Variants in CFH observed in about 807,000 individuals in gnomAD.
CFH encodes the protein complement factor H, also known as H factor 1 (complement).
Under a neutral mutation model 147.3 loss-of-function variants are expected in CFH, and 53 were observed. That is an observed-to-expected ratio of 0.36 (90% CI 0.29 to 0.45). The LOEUF (loss-of-function observed/expected upper bound fraction) is 0.45, where lower values mean the gene tolerates loss of function less well. CFH is among the 20% of genes least tolerant of loss of function. The probability of loss-of-function intolerance (pLI) is 1.00; values close to 1 mark genes in which losing one functional copy is unlikely to be tolerated. For synonymous variants in CFH, 536 were observed against 489.4 expected, an observed-to-expected ratio of 1.10 and a Z score of -1.26; for missense variants, 1,380 against 1,498.0, an observed-to-expected ratio of 0.92 and a Z score of 1.30.
chr1:196,714,804 A>G (rs1434787171), intron 10 of CFH, among the ~76,000 whole-genome samples: 2 of 148,634 alleles, frequency 1.3e-5, no homozygotes, highest in African/African-American at 2.5e-5. Context: ...GTTTTCAAGC[A>G]ATTCTCCTAC....
rs796052137 is a variant in CFH, at chr1:196,672,999, GAAGA to G, written c.83_86del (p.Arg28IlefsTer5). 1.2e-6 allele frequency: 2 copies of G among 1,613,954 alleles called. No individual in the cohort carries two copies. The highest frequency in any genetic ancestry group is 1.7e-6 in the Non-Finnish European group (2 of 1,179,946). On this transcript the variant is annotated frameshift_variant, in exon 2 of 22. Coordinates refer to ENST00000367429, the MANE Select transcript of CFH (RefSeq NM_000186.4). LOFTEE classifies it high-confidence loss of function. ...GTAGATTGCAATGAACTTCCTCCAAGAAGAAATACAGAAATTCTGACAGGTTCCT... is the reference window on the plus strand; with the variant it reads ...GTAGATTGCAATGAACTTCCTCCAAGAATACAGAAATTCTGACAGGTTCCT...
rs1669112395 is a variant in CFH, at chr1:196,725,401, A to G, written c.1873+104A>G. 3 of 1,076,660 alleles carry G rather than the reference A, an allele frequency of 2.8e-6. No individual in the cohort carries two copies. The African/African-American group carries it at 4.7e-5, about 17-fold the overall frequency. The allele number at this position is 1,076,660 out of a possible 1,614,324, so 66.7% of individuals were successfully genotyped here. ...GCTCCCATTGCCTGTAATCTAATGA[A>G]TTAAGTCAAATATTTGCCTGTGAAG... On this transcript the variant is annotated intron_variant, in intron 12 of 21. Coordinates refer to ENST00000367429, the MANE Select transcript of CFH (RefSeq NM_000186.4).
rs1305298295 is a variant in CFH, at chr1:196,701,200, C to A, written c.1336+10961C>A. On this transcript the variant is annotated intron_variant, in intron 9 of 21. Transcript: ENST00000367429. The stretch of plus-strand genomic sequence containing the variant: ...AAGAAATTACTAGTGGAAGAAATTA[C>A]TAACTCAGGGAACTCTTCTTGTTTG... 1.2e-5 allele frequency: 17 copies of A among 1,383,174 alleles called. No homozygotes were observed. The East Asian group carries it at 3.9e-4, about 32-fold the overall frequency. The allele number at this position is 1,383,174 out of a possible 1,614,324, so 85.7% of individuals were successfully genotyped here. A position where few individuals can be genotyped will look rare whatever the true frequency, so the allele number is the denominator to read the frequency against.
At chr1:196,714,622 T>C (rs959580006) in intron 10 of CFH, among the ~76,000 whole-genome samples, 2 of 96,354 alleles carry the variant, frequency 2.1e-5, no homozygotes, top group African/African-American at 4.5e-5. Context: ...TGTGTGTGTG[T>C]ATACGTATAT....
At chr1:196,697,313 A>T (rs1378721757) in intron 9 of CFH, among the ~76,000 whole-genome samples, 2 of 152,144 alleles carry the variant, frequency 1.3e-5, no homozygotes, top group Non-Finnish European at 2.9e-5. Context: ...TTACAAGAAA[A>T]AAACAAACAA....
At chr1:196,723,452 A>G (rs1371910713) in intron 11 of CFH, among the ~76,000 whole-genome samples, 1 of 152,156 alleles carries the variant, frequency 6.6e-6, no homozygotes, top group East Asian at 1.9e-4. Context: ...ATGGAGGACT[A>G]CGCAGAAAAC....
intron 20 of CFH, 138 bp from the exon 21 acceptor site, chr1:196,745,679 T>A: frequency 8.3e-7 from 1 of 1,198,414 alleles, no homozygotes. Context: ...TTAAAATTTC[T>A]TCCAGGACTC....
At position 196,745,970 on chromosome 1, in the gene CFH, G is replaced by C. The variant is rs1652988982; in HGVS notation, c.3464G>C (p.Gly1155Ala). ...EGNKRITCRN[G>A]QWSEPPKCLH... ...AACAAGCGAATAACATGTAGAAATG[G>C]ACAATGGTCAGAACCACCAAAATGC... Residue 1155 changes from glycine (G) to alanine (A), a missense_variant, in exon 21 of 22, where the codon GGA becomes GCA. Physicochemically the swap from Gly to Ala is moderately conservative, Grantham distance 60. Transcript: ENST00000367429. 2.5e-6 allele frequency: 4 copies of C among 1,613,970 alleles called. No homozygotes were observed. The highest frequency in any genetic ancestry group is 3.4e-6 in the Non-Finnish European group (4 of 1,180,016).
chr1:196,715,572 T>C (rs1668850424), intron 10 of CFH, 21 bp from the exon 11 acceptor site: 1 of 1,581,832 alleles, frequency 6.3e-7, no homozygotes, highest in Admixed American at 1.7e-5. Context: ...GAAATGACAT[T>C]CTAAATTTTT....
chr1:196,735,928 G>T (rs1276961551), intron 15 of CFH, among the ~76,000 whole-genome samples: 1 of 151,968 alleles, frequency 6.6e-6, no homozygotes, highest in Non-Finnish European at 1.5e-5. Flanking sequence ...TCATTGCCAT[G>T]ATTTCCTATA....
At chr1:196,747,046 A>G in intron 21 of CFH, 65 bp from the exon 22 acceptor site, 1 of 1,603,688 alleles carries the variant, frequency 6.2e-7, no homozygotes, top group South Asian at 1.1e-5. Flanking sequence ...CTACTTGAAA[A>G]CCTGAAAGTC....
chr1:196,692,829 C>T (rs1261470761), intron 9 of CFH, among the ~76,000 whole-genome samples: 24 of 89,350 alleles, frequency 2.7e-4, no homozygotes, highest in Admixed American at 4.2e-4. Context: ...TTTCTCTTTC[C>T]TTCTTTCTTT....
Position 196,728,294 on chromosome 1 carries a change from T to C in CFH, c.2237-52T>C, listed in dbSNP as rs188634176. On this transcript the variant is annotated intron_variant, in intron 14 of 21. Coordinates refer to ENST00000367429, the MANE Select transcript of CFH (RefSeq NM_000186.4). Reference sequence around the variant, plus strand: ...CTTTATAACTATTTTTATGTAATAGTTGGTTTGATTCCTATCATTTGAATT... The same window carrying C: ...CTTTATAACTATTTTTATGTAATAGCTGGTTTGATTCCTATCATTTGAATT... 119 of 1,162,106 alleles carry C rather than the reference T, an allele frequency of 1.0e-4. No homozygotes were observed. In the East Asian group the frequency reaches 2.4e-3, roughly 23 times the overall value. The allele number at this position is 1,162,106 out of a possible 1,614,324, so 72.0% of individuals were successfully genotyped here.
chr1:196,714,670 G>T (rs6685249), intron 10 of CFH, among the ~76,000 whole-genome samples: 1,191 of 15,124 alleles, frequency 0.079, 3 homozygotes, highest in Non-Finnish European at 0.1. Context: ...TATATATATA[G>T]AGAGAGAGAG....
intron 15 of CFH, among the ~76,000 whole-genome samples, chr1:196,732,479 A>G (rs1384406994): frequency 1.3e-5 from 2 of 151,910 alleles, no homozygotes; most frequent in South Asian, 2.1e-4. Context: ...CCTCAGGTCA[A>G]TTTCTGGAGA....
chr1:196,692,897 C>CCTTCCTTCCTT lies in CFH; in HGVS notation c.1336+2659_1336+2660insTTCCTTCCTTC, dbSNP rs1558163953. On this transcript the variant is annotated intron_variant, in intron 9 of 21. Transcript: ENST00000367429. ...CTGTCACCTCCCTCCCTCCCTCCCT[C>CCTTCCTTCCTT]CCTCCCTTCCTTCCTTCCTTCCTTC... 4.5e-4 allele frequency among the ~76,000 whole-genome samples: 31 copies of CCTTCCTTCCTT among 68,988 alleles called. 2 individuals carry two copies. The highest frequency in any genetic ancestry group is 1.6e-3 in the African/African-American group (22 of 13,618). 45.3% of individuals were successfully genotyped at this position (68,988 alleles called of 152,430 possible).
intron 9 of CFH, among the ~76,000 whole-genome samples, chr1:196,699,215 C>T (rs1048630964): frequency 2.3e-5 from 3 of 132,756 alleles, no homozygotes; most frequent in Non-Finnish European, 4.8e-5. Flanking sequence ...ACCTTGCCAG[C>T]CTTTGAGATA....
chr1:196,685,180 C>T lies in CFH; in HGVS notation c.907C>T (p.Arg303Trp), dbSNP rs142937931. Residue 303 changes from arginine to tryptophan, a missense_variant, in exon 7 of 22, where the codon CGG (arginine) becomes TGG (tryptophan). Coordinates refer to ENST00000367429, the MANE Select transcript of CFH (RefSeq NM_000186.4). ...QCRNGFYPAT[R>W]GNTAKCTSTG... Reference sequence around the variant, plus strand: ...TAGAAATGGTTTTTATCCTGCAACCCGGGGAAATACAGCAAAATGCACAAG... The same window carrying T: ...TAGAAATGGTTTTTATCCTGCAACCTGGGGAAATACAGCAAAATGCACAAG... The T allele has an allele frequency of 1.0e-4, 163 of 1,612,764 alleles. No homozygotes were observed. Among genetic ancestry groups the T allele is most frequent in the Middle Eastern group, 1.6e-4 (1 of 6,078 alleles).
chr1:196,700,055 C>G (rs1437183445), intron 9 of CFH, among the ~76,000 whole-genome samples: 1 of 152,166 alleles, frequency 6.6e-6, no homozygotes, highest in Non-Finnish European at 1.5e-5. Context: ...ACTAACAAAA[C>G]TACTGATGCC....
Sources: allele counts gnomAD v4.1 joint callset (sites outside exome capture counted in the v4.1 genomes callset), GRCh38; gene constraint gnomAD v4.1.1; transcripts MANE v1.5; gene names NCBI Gene and HGNC (gene_info 2026-07-23, HGNC 2026-07-21).